Variants in CCDC47 observed in about 807,000 individuals in gnomAD.
CCDC47 encodes coiled-coil domain containing 47, also known as PAT complex subunit CCDC47.
CCDC47 carries 41 observed loss-of-function variants against 60.5 expected under a neutral mutation model. The ratio of observed to expected loss-of-function variants is 0.68; its 90% CI spans 0.53 to 0.88. The LOEUF (loss-of-function observed/expected upper bound fraction) is 0.88, where lower values mean the gene tolerates loss of function less well. Ranked by LOEUF, CCDC47 falls within the 40% of genes least tolerant of loss-of-function variation. The pLI is 0.00. For missense variants in CCDC47, 513 were observed against 580.9 expected (o/e 0.88, Z 1.20); for synonymous variants, 195 against 190.7 (o/e 1.02, Z -0.18).
intron 1 of CCDC47, chr17:63,766,933 T>C (rs1305023136): frequency 1.0e-6 from 1 of 984,520 alleles, no homozygotes; most frequent in Non-Finnish European, 1.2e-6. Context: ...TTAGATTGAT[T>C]TGTGTTCATG....
chr17:63,772,185 A>C (rs1379825001), intron 1 of CCDC47, among the ~76,000 whole-genome samples: 1 of 151,932 alleles, frequency 6.6e-6, no homozygotes, highest in African/African-American at 2.4e-5. Context: ...CATACAAAAA[A>C]GGGATACCAT....
At chr17:63,752,494 C>A in intron 10 of CCDC47, 65 bp from the exon 11 acceptor site, 1 of 1,126,412 alleles carries the variant, frequency 8.9e-7, no homozygotes. Flanking sequence ...GGTCACCCAA[C>A]TCTTTTTTTT....
Position 63,746,949 on chromosome 17 carries a change from T to G in CCDC47, c.1384A>C (p.Arg462=). The G allele has an allele frequency of 6.2e-7, 1 of 1,613,540 alleles. No homozygotes were observed. Among genetic ancestry groups the G allele is most frequent in the Non-Finnish European group, 8.5e-7 (1 of 1,179,730 alleles). Residue 462 remains arginine (R), a synonymous_variant, in exon 13 of 13, where the codon AGG becomes CGG. Coordinates refer to ENST00000225726, the MANE Select transcript of CCDC47 (RefSeq NM_020198.3). ...TTTTCCAACTTCTTTTGCTCACGCC[T>G]CAATGCAGCCTCCTAGAGAAAGAAG... ...KQRRLEEAAL[R]REQKKLEKKQ...
At chr17:63,762,696 G>A (rs2039269691) in intron 4 of CCDC47, among the ~76,000 whole-genome samples, 1 of 152,154 alleles carries the variant, frequency 6.6e-6, no homozygotes, top group Non-Finnish European at 1.5e-5. Flanking sequence ...TATTTCAGCA[G>A]TGGATCCAAA....
intron 1 of CCDC47, among the ~76,000 whole-genome samples, chr17:63,773,077 C>T (rs2039362877): frequency 6.6e-6 from 1 of 152,212 alleles, no homozygotes; most frequent in Non-Finnish European, 1.5e-5. Context: ...TGCAGACTTT[C>T]CTCTGTCTCT....
intron 6 of CCDC47, among the ~76,000 whole-genome samples, chr17:63,757,767 TA>T: frequency 6.6e-6 from 1 of 152,230 alleles, no homozygotes; most frequent in Non-Finnish European, 1.5e-5. Context: ...ACAGAGCTCC[TA>T]AAGCCCTTTG....
intron 1 of CCDC47, among the ~76,000 whole-genome samples, chr17:63,771,939 G>A (rs1453716287): frequency 3.3e-5 from 5 of 151,832 alleles, no homozygotes; most frequent in East Asian, 1.9e-4. Context: ...AAAATTAGCC[G>A]GGCGTGGTGG....
chr17:63,770,198 G>A (rs1344565138), intron 1 of CCDC47, among the ~76,000 whole-genome samples: 1 of 151,964 alleles, frequency 6.6e-6, no homozygotes, highest in Non-Finnish European at 1.5e-5. Context: ...CCTGACCTCA[G>A]GTGATCCACC....
intron 1 of CCDC47, among the ~76,000 whole-genome samples, chr17:63,771,403 G>C (rs940104232): frequency 3.3e-5 from 5 of 152,198 alleles, no homozygotes; most frequent in Admixed American, 3.3e-4. Flanking sequence ...AGGGGTCCTG[G>C]AACCAATCCC....
intron 4 of CCDC47, chr17:63,761,695 T>TC (rs1447336227): frequency 2.1e-5 from 4 of 187,810 alleles, no homozygotes; most frequent in Non-Finnish European, 2.8e-5. Context: ...AGACTCTGTC[T>TC]CAAAAAAAAA....
At chr17:63,772,069 G>A (rs1399310590) in intron 1 of CCDC47, among the ~76,000 whole-genome samples, 1 of 151,884 alleles carries the variant, frequency 6.6e-6, no homozygotes, top group Admixed American at 6.6e-5. Flanking sequence ...GCAACAGGGT[G>A]AGACTCTGTC....
intron 8 of CCDC47, among the ~76,000 whole-genome samples, chr17:63,755,117 C>T (rs1242208077): frequency 6.6e-6 from 1 of 151,904 alleles, no homozygotes; most frequent in Non-Finnish European, 1.5e-5. Context: ...ACTAAAGGAA[C>T]ACACAACCAC....
chr17:63,755,960 A>T (rs991770402), intron 8 of CCDC47, among the ~76,000 whole-genome samples: 1 of 152,154 alleles, frequency 6.6e-6, no homozygotes, highest in East Asian at 1.9e-4. Context: ...GACATGACGA[A>T]AAAGATTAGA....
At chr17:63,750,699 C>T (rs1432100620) in intron 12 of CCDC47, among the ~76,000 whole-genome samples, 4 of 152,006 alleles carry the variant, frequency 2.6e-5, no homozygotes, top group African/African-American at 9.7e-5. Flanking sequence ...ATTCTCCTGC[C>T]TCAGCCTCCT....
intron 7 of CCDC47, 34 bp from the exon 8 acceptor site, chr17:63,756,384 C>T (rs1218700612): frequency 6.3e-7 from 1 of 1,592,388 alleles, no homozygotes; most frequent in Non-Finnish European, 8.6e-7. Context: ...TAAGATATGA[C>T]CTTTTATTAT....
At chr17:63,761,392 C>A in intron 4 of CCDC47, 41 bp from the exon 5 acceptor site, 1 of 1,610,896 alleles carries the variant, frequency 6.2e-7, no homozygotes, top group East Asian at 2.2e-5. Flanking sequence ...CAGAAAATGT[C>A]AAGGCCGGGC....
intron 6 of CCDC47, among the ~76,000 whole-genome samples, chr17:63,757,822 C>A (rs551574293): frequency 6.6e-6 from 1 of 152,272 alleles, no homozygotes; most frequent in East Asian, 1.9e-4. Flanking sequence ...TTATACTGAG[C>A]CCCTTTTAAT....
intron 12 of CCDC47, chr17:63,747,348 C>T: frequency 1.0e-6 from 1 of 983,210 alleles, no homozygotes; most frequent in Non-Finnish European, 1.2e-6. Flanking sequence ...ATACATTCTA[C>T]TTCAGTTCAA....
At chr17:63,762,570 A>G (rs1349215132) in intron 4 of CCDC47, among the ~76,000 whole-genome samples, 1 of 152,252 alleles carries the variant, frequency 6.6e-6, no homozygotes, top group Non-Finnish European at 1.5e-5. Flanking sequence ...AGGTGGATAC[A>G]TGCTTACTAT....
Sources: gnomAD v4.1 joint callset for allele counts (sites outside exome capture counted in the v4.1 genomes callset) on GRCh38, gnomAD v4.1.1 for gene constraint, MANE v1.5 for transcripts, NCBI Gene and HGNC (gene_info 2026-07-23, HGNC 2026-07-21) for gene names.